Variants in EXOC6B observed in about 807,000 individuals in gnomAD.
The protein encoded by EXOC6B is exocyst complex component 6B, also known as SEC15 homolog B.
Under a neutral mutation model 113.5 loss-of-function variants are expected in EXOC6B, and 54 were observed. That is an observed-to-expected ratio of 0.48 (90% CI 0.38 to 0.60). EXOC6B has a LOEUF of 0.60. Ranked by LOEUF, EXOC6B falls within the 20% of genes least tolerant of loss-of-function variation. EXOC6B has a pLI of 0.00. For synonymous variants in EXOC6B, 357 were observed against 339.0 expected (o/e 1.05, Z -0.58); for missense variants, 797 against 977.5 (o/e 0.82, Z 2.46).
chr2:72,822,119 A>G (rs1265385296), intron 1 of EXOC6B, among the ~76,000 whole-genome samples: 2 of 152,184 alleles, frequency 1.3e-5, no homozygotes, highest in Non-Finnish European at 2.9e-5. Context: ...ATATAAAGGA[A>G]AAGTAGAGAT....
chr2:72,334,738 C>T (rs1346641613), intron 20 of EXOC6B, among the ~76,000 whole-genome samples: 2 of 150,584 alleles, frequency 1.3e-5, no homozygotes, highest in African/African-American at 4.9e-5. Context: ...CCCGCCTTCC[C>T]TTCTACCCAC....
At chr2:72,276,357 T>G (rs946670222) in intron 20 of EXOC6B, among the ~76,000 whole-genome samples, 2 of 152,088 alleles carry the variant, frequency 1.3e-5, no homozygotes, top group Non-Finnish European at 2.9e-5. Context: ...TCTCAGTGAG[T>G]AGGTATAGAA....
rs550366048 is a variant in EXOC6B at position 72,471,156 on chromosome 2, A to G, written c.1801-5817T>C. On this transcript the variant is annotated intron_variant, in intron 17 of 21. Transcript: ENST00000272427. ...GTTTCCTGACTTTTTAATGATCGCC[A>G]TTCTAACTGGTGTGAGATGGTATCT... is the stretch of plus-strand genomic sequence containing the variant. 2.8e-3 allele frequency among the ~76,000 whole-genome samples: 425 copies of G among 152,134 alleles called. 1 individual carries two copies. The highest frequency in any genetic ancestry group is 4.3e-3 in the African/African-American group (177 of 41,514).
intron 20 of EXOC6B, among the ~76,000 whole-genome samples, chr2:72,219,083 C>T (rs1680711750): frequency 1.3e-5 from 2 of 152,048 alleles, no homozygotes; most frequent in African/African-American, 4.8e-5. Context: ...CTATGGGCGA[C>T]AAGAGGCACT....
chr2:72,817,548 G>T (rs1435671846), intron 1 of EXOC6B, among the ~76,000 whole-genome samples: 1 of 152,132 alleles, frequency 6.6e-6, no homozygotes, highest in Non-Finnish European at 1.5e-5. Flanking sequence ...GGGTTCCCAG[G>T]ATACAGCAGC....
intron 8 of EXOC6B, among the ~76,000 whole-genome samples, chr2:72,530,463 G>A (rs1701946465): frequency 1.3e-5 from 2 of 152,116 alleles, no homozygotes; most frequent in African/African-American, 4.8e-5. Flanking sequence ...AGGTCTATGT[G>A]TGATTTCAAA....
At chr2:72,536,215 T>G (rs1336895056) in intron 8 of EXOC6B, among the ~76,000 whole-genome samples, 1 of 152,192 alleles carries the variant, frequency 6.6e-6, no homozygotes, top group Non-Finnish European at 1.5e-5. Context: ...TTTGAGAATA[T>G]AAGATACGTC....
At chr2:72,187,440 G>C (rs1347500860) in intron 20 of EXOC6B, among the ~76,000 whole-genome samples, 1 of 151,958 alleles carries the variant, frequency 6.6e-6, no homozygotes, top group African/African-American at 2.4e-5. Flanking sequence ...ACAAGCAGAG[G>C]ATGAGAAAAA....
intron 20 of EXOC6B, among the ~76,000 whole-genome samples, chr2:72,298,877 T>C (rs1310781818): frequency 6.6e-6 from 1 of 152,204 alleles, no homozygotes; most frequent in African/African-American, 2.4e-5. Flanking sequence ...GGGATTCCCT[T>C]TGTGGGTAAC....
intron 1 of EXOC6B, among the ~76,000 whole-genome samples, chr2:72,758,586 TGAGGACAGTATA>T (rs1682579654): frequency 6.6e-6 from 1 of 152,240 alleles, no homozygotes; most frequent in Admixed American, 6.5e-5. Flanking sequence ...AGCATTTGTC[TGAGGACAGTATA>T]GACTAGCCCA....
At chr2:72,538,289 A>G (rs1403943544) in intron 8 of EXOC6B, among the ~76,000 whole-genome samples, 2 of 152,130 alleles carry the variant, frequency 1.3e-5, no homozygotes, top group Non-Finnish European at 2.9e-5. Flanking sequence ...GAGATGGGAT[A>G]AAATGCTAAG....
chr2:72,187,435 C>A (rs948984250), intron 20 of EXOC6B, among the ~76,000 whole-genome samples: 4 of 151,866 alleles, frequency 2.6e-5, no homozygotes, highest in Non-Finnish European at 4.4e-5. Context: ...CACAGACAAG[C>A]AGAGGATGAG....
chr2:72,415,934 G>T (rs928568649), intron 18 of EXOC6B, among the ~76,000 whole-genome samples: 1 of 152,108 alleles, frequency 6.6e-6, no homozygotes, highest in Non-Finnish European at 1.5e-5. Flanking sequence ...TGACCAATAC[G>T]GTAGTGACTT....
intron 18 of EXOC6B, among the ~76,000 whole-genome samples, chr2:72,447,095 T>C (rs1264945953): frequency 2.6e-5 from 4 of 151,618 alleles, no homozygotes; most frequent in Non-Finnish European, 4.4e-5. Context: ...AGAGTGAGAC[T>C]TCGTCTCAAA....
chr2:72,492,373 G>A lies in EXOC6B; in HGVS notation c.1610C>T (p.Thr537Ile), dbSNP rs370145650. Residue 537 changes from threonine (T) to isoleucine (I), a missense_variant, in exon 16 of 22, where the codon ACT (threonine) becomes ATT (isoleucine). Physicochemically the swap from Thr to Ile is moderately conservative, Grantham distance 89. Coordinates refer to ENST00000272427, the MANE Select transcript of EXOC6B (RefSeq NM_015189.3). ...RKSTNLLLTRTLSNSLQNVIK... is the reference protein window; with the variant it reads ...RKSTNLLLTRILSNSLQNVIK... ...TACATTCTGCAGAGAGTTGCTCAGAGTCCTGGTTAGCAACAGGTTTGTTGA... is the reference window on the plus strand; with the variant it reads ...TACATTCTGCAGAGAGTTGCTCAGAATCCTGGTTAGCAACAGGTTTGTTGA... 7 of 1,612,894 alleles carry A rather than the reference G, an allele frequency of 4.3e-6. No individual in the cohort carries two copies. The highest frequency in any genetic ancestry group is 4.0e-5 in the African/African-American group (3 of 74,844).
intron 18 of EXOC6B, among the ~76,000 whole-genome samples, chr2:72,403,769 G>T (rs1046764947): frequency 1.3e-5 from 2 of 152,262 alleles, no homozygotes; most frequent in Non-Finnish European, 2.9e-5. Context: ...CCAGTCTACA[G>T]CTCCCAGCGT....
intron 13 of EXOC6B, among the ~76,000 whole-genome samples, chr2:72,497,118 T>C (rs1700077882): frequency 6.6e-6 from 1 of 151,630 alleles, no homozygotes; most frequent in Admixed American, 6.6e-5. Context: ...AAACTACAGT[T>C]GTTCACCACC....
At chr2:72,308,057 T>G (rs578105674) in intron 20 of EXOC6B, among the ~76,000 whole-genome samples, 1 of 152,346 alleles carries the variant, frequency 6.6e-6, no homozygotes, top group African/African-American at 2.4e-5. Flanking sequence ...AGCATTTGAC[T>G]CATTTGAAAG....
At chr2:72,628,100 G>C (rs1558859151) in intron 6 of EXOC6B, among the ~76,000 whole-genome samples, 1 of 151,822 alleles carries the variant, frequency 6.6e-6, no homozygotes, top group Non-Finnish European at 1.5e-5. Context: ...GATGCTTTTG[G>C]AGAAAATGAT....
Sources: allele counts gnomAD v4.1 joint callset (sites outside exome capture counted in the v4.1 genomes callset), GRCh38; gene constraint gnomAD v4.1.1; transcripts MANE v1.5; gene names NCBI Gene and HGNC (gene_info 2026-07-23, HGNC 2026-07-21).